The following BFSP1 variants were observed in gnomAD, a reference collection of about 807,000 sequenced individuals.
BFSP1 encodes filensin.
In BFSP1, 38 loss-of-function variants were observed where a neutral mutation model predicts 43.9. That is an observed-to-expected ratio of 0.87 (90% CI 0.67 to 1.14). The LOEUF (loss-of-function observed/expected upper bound fraction) is 1.14, where lower values mean the gene tolerates loss of function less well. Ranked by LOEUF, BFSP1 falls within the 50% of genes most tolerant of loss-of-function variation. The pLI, the probability that BFSP1 is intolerant of heterozygous loss-of-function variation, is 0.00. For missense variants in BFSP1, 850 were observed against 875.1 expected (o/e 0.97, Z 0.36); for synonymous variants, 352 against 354.8 (o/e 0.99, Z 0.09).
At chr20:17,567,691 A>C (rs1481630861) in intron 1 of BFSP1, among the ~76,000 whole-genome samples, 1 of 152,100 alleles carries the variant, frequency 6.6e-6, no homozygotes, top group Non-Finnish European at 1.5e-5. Context: ...GAGAAACCTT[A>C]TCTCTACTAA....
At chr20:17,505,626 C>CT (rs1172284619) in intron 5 of BFSP1, among the ~76,000 whole-genome samples, 1 of 152,232 alleles carries the variant, frequency 6.6e-6, no homozygotes, top group Non-Finnish European at 1.5e-5. Flanking sequence ...CCACTAAAAC[C>CT]TTTAAAACCA....
chr20:17,494,283 C>T lies in BFSP1; in HGVS notation c.1789G>A (p.Gly597Arg). The T allele has an allele frequency of 2.5e-6, 4 of 1,614,228 alleles. No homozygotes were observed. The highest frequency in any genetic ancestry group is 3.4e-6 in the Non-Finnish European group (4 of 1,180,038). Residue 597 changes from glycine to arginine, a missense_variant, in exon 8 of 8, where the codon GGA becomes AGA. Transcript: ENST00000377873. ...CTCCTAGTCCCAAGCACCTCAGCTC[C>T]ATCCTGATCAGCCGCAGGCTTTGGA... ...EPPKPAADQD[G>R]AEVLGTRSRS... is the part of the protein sequence containing the mutation.
Position 17,508,862 on chromosome 20 carries a change from A to G in BFSP1, c.735+27T>C, listed in dbSNP as rs537696670. The G allele has an allele frequency of 5.9e-6, 9 of 1,524,848 alleles. No homozygotes were observed. The East Asian group carries it at 1.4e-4, about 24-fold the overall frequency. The allele number at this position is 1,524,848 out of a possible 1,614,324, so 94.5% of individuals were successfully genotyped here. On this transcript the variant is annotated intron_variant, in intron 5 of 7. Coordinates refer to ENST00000377873, the MANE Select transcript of BFSP1 (RefSeq NM_001195.5). Reference sequence around the variant, plus strand: ...TCCATGAAACATGTGGGAAGCCCCAATGCACACGCGGCAGACTCGAGCGTA... The same window carrying G: ...TCCATGAAACATGTGGGAAGCCCCAGTGCACACGCGGCAGACTCGAGCGTA...
intron 2 of BFSP1, among the ~76,000 whole-genome samples, chr20:17,521,575 C>A (rs899236343): frequency 6.6e-6 from 1 of 152,210 alleles, no homozygotes; most frequent in Non-Finnish European, 1.5e-5. Flanking sequence ...ATCACTCACA[C>A]GACCAGCTGA....
At chr20:17,568,335 A>C (rs898421251) in intron 1 of BFSP1, among the ~76,000 whole-genome samples, 15 of 152,136 alleles carry the variant, frequency 9.9e-5, no homozygotes, top group Non-Finnish European at 2.9e-5. Flanking sequence ...GCAGGCAGGC[A>C]TGTATCCTTA....
At chr20:17,566,280 T>C (rs1314345356) in intron 1 of BFSP1, among the ~76,000 whole-genome samples, 1 of 152,230 alleles carries the variant, frequency 6.6e-6, no homozygotes, top group African/African-American at 2.4e-5. Context: ...TATCTATTAA[T>C]ACACATCTCT....
chr20:17,564,380 A>G (rs1471339190), intron 1 of BFSP1, among the ~76,000 whole-genome samples: 2 of 140,962 alleles, frequency 1.4e-5, no homozygotes, highest in Non-Finnish European at 3.1e-5. Context: ...AAAAAAAAAA[A>G]TGAAGAAATT....
Position 17,525,731 on chromosome 20 carries a change from C to T in BFSP1, c.378-823G>A, listed in dbSNP as rs2034405979. 6.6e-6 allele frequency among the ~76,000 whole-genome samples: 1 copy of T among 152,136 alleles called. No individual in the cohort carries two copies. Among genetic ancestry groups the T allele is most frequent in the African/African-American group, 2.4e-5 (1 of 41,428 alleles). On this transcript the variant is annotated intron_variant, in intron 1 of 7. Coordinates refer to ENST00000377873, the MANE Select transcript of BFSP1 (RefSeq NM_001195.5). This position sits in a 1 kb window ranked among gnomAD's most constrained non-coding sequence, Gnocchi z 4.2. ...TCCCTATAAGGTGACCCCCAAATGC[C>T]CATTCTTGCTGTCTTCAGGAGTTAG...
At chr20:17,536,538 TAAATA>T (rs2034631537) in intron 1 of BFSP1, among the ~76,000 whole-genome samples, 1 of 152,212 alleles carries the variant, frequency 6.6e-6, no homozygotes, top group Non-Finnish European at 1.5e-5. Context: ...TCTCAAAAAA[TAAATA>T]AAATAAAGTT....
intron 7 of BFSP1, among the ~76,000 whole-genome samples, chr20:17,495,903 AAG>A (rs144615452): frequency 0.026 from 4,010 of 152,246 alleles, 189 homozygotes; most frequent in African/African-American, 0.09. Context: ...TCACAATAAA[AAG>A]AGAGCCAGGT....
At chr20:17,500,572 T>C (rs1034777406) in intron 5 of BFSP1, among the ~76,000 whole-genome samples, 2 of 152,252 alleles carry the variant, frequency 1.3e-5, no homozygotes, top group African/African-American at 4.8e-5. Context: ...TACTTGATGA[T>C]GATAATAAAC....
chr20:17,509,024 C>G (rs991597696), intron 4 of BFSP1, 28 bp from the exon 5 acceptor site: 2 of 1,500,890 alleles, frequency 1.3e-6, no homozygotes, highest in East Asian at 4.9e-5. Flanking sequence ...GAGTCAGACT[C>G]ATGGGACATG....
intron 5 of BFSP1, among the ~76,000 whole-genome samples, chr20:17,500,753 T>C (rs1012389455): frequency 7.2e-5 from 11 of 152,116 alleles, no homozygotes; most frequent in Non-Finnish European, 1.6e-4. Context: ...TATTTTCTCT[T>C]GTGCTTGATC....
intron 1 of BFSP1, among the ~76,000 whole-genome samples, chr20:17,543,688 C>T (rs1164447842): frequency 1.3e-5 from 2 of 152,170 alleles, no homozygotes; most frequent in Admixed American, 6.6e-5. Context: ...TCAGAAAAAT[C>T]CACCAGCAAA....
intron 5 of BFSP1, among the ~76,000 whole-genome samples, chr20:17,503,419 C>A (rs994950034): frequency 6.6e-6 from 1 of 152,168 alleles, no homozygotes; most frequent in African/African-American, 2.4e-5. Context: ...ATCACTGACC[C>A]AAGAGCTCTG....
intron 1 of BFSP1, among the ~76,000 whole-genome samples, chr20:17,548,006 C>A (rs2034833794): frequency 6.6e-6 from 1 of 150,536 alleles, no homozygotes; most frequent in Non-Finnish European, 1.5e-5. Context: ...GCCTCAGCCT[C>A]CGACAGTGCT....
chr20:17,567,775 C>T (rs2035136647), intron 1 of BFSP1, among the ~76,000 whole-genome samples: 1 of 151,318 alleles, frequency 6.6e-6, no homozygotes, highest in Non-Finnish European at 1.5e-5. Flanking sequence ...GCAGGAGAAT[C>T]GCTTGAACCC....
chr20:17,506,144 T>C (rs1049350351), intron 5 of BFSP1, among the ~76,000 whole-genome samples: 8 of 152,110 alleles, frequency 5.3e-5, no homozygotes, highest in Non-Finnish European at 8.8e-5. Context: ...CCAAGGAGCC[T>C]GGGCAGCCCT....
At chr20:17,533,303 G>C (rs553133340), upstream of BFSP1, among the ~76,000 whole-genome samples, 1 of 152,184 alleles carries the variant, frequency 6.6e-6, no homozygotes, top group African/African-American at 2.4e-5. Context: ...TGATAGCATG[G>C]TAAATTGACT....
Sources: allele counts gnomAD v4.1 joint callset (sites outside exome capture counted in the v4.1 genomes callset), GRCh38; gene constraint gnomAD v4.1.1; non-coding constraint Gnocchi (gnomAD v3.1); transcripts MANE v1.5; gene names NCBI Gene and HGNC (gene_info 2026-07-23, HGNC 2026-07-21).